HAUS6: variants seen among roughly 807,000 people sequenced by gnomAD.
HAUS6 encodes HAUS augmin-like complex subunit 6.
HAUS6 carries 80 observed loss-of-function variants against 106.8 expected under a neutral mutation model. The observed-to-expected ratio is 0.75, with a 90% CI of 0.63 to 0.90. The LOEUF (loss-of-function observed/expected upper bound fraction) is 0.90, where lower values mean the gene tolerates loss of function less well. Ranked by LOEUF, HAUS6 falls within the 40% of genes least tolerant of loss-of-function variation. The pLI is 0.00. For synonymous variants in HAUS6, 356 were observed against 379.1 expected, an observed-to-expected ratio of 0.94 and a Z score of 0.71; for missense variants, 1,155 against 1,118.1, an observed-to-expected ratio of 1.03 and a Z score of -0.47.
In HAUS6 at chr9:19,059,002, CTAAT is replaced by C. The variant is rs1836546433; in HGVS notation, c.1766-5_1766-2del. 6 of 1,540,262 alleles carry C rather than the reference CTAAT, an allele frequency of 3.9e-6. No homozygotes were observed. The highest frequency in any genetic ancestry group is 5.4e-6 in the Non-Finnish European group (6 of 1,118,194). On this transcript the variant is annotated splice_acceptor_variant and splice_polypyrimidine_tract_variant and intron_variant, in intron 15 of 16. Coordinates refer to ENST00000380502, the MANE Select transcript of HAUS6 (RefSeq NM_017645.5). LOFTEE classifies it high-confidence loss of function. ...CTCCATGAGCTCCTAATTTCAGTTA[CTAAT>C]TAAAGGGGAGAAAAACACAGTTTAC...
At chr9:19,063,661 T>C in intron 12 of HAUS6, 81 bp from the exon 13 acceptor site, 1 of 949,170 alleles carries the variant, frequency 1.1e-6, no homozygotes, top group Non-Finnish European at 1.7e-6. Context: ...CTAAAATCTG[T>C]CTGCCCCGTA....
intron 11 of HAUS6, among the ~76,000 whole-genome samples, chr9:19,074,931 TG>T (rs1435360760): frequency 6.6e-6 from 1 of 152,200 alleles, no homozygotes; most frequent in East Asian, 1.9e-4. Context: ...ACAAAAAACC[TG>T]TACAGAATGT....
intron 12 of HAUS6, among the ~76,000 whole-genome samples, chr9:19,069,912 C>T (rs1836852004): frequency 2.0e-5 from 3 of 151,982 alleles, no homozygotes; most frequent in Non-Finnish European, 2.9e-5. Flanking sequence ...CCTCTGCAAC[C>T]CAGAAAGACC....
intron 9 of HAUS6, among the ~76,000 whole-genome samples, chr9:19,080,264 C>CA (rs1434407977): frequency 1.4e-5 from 2 of 147,852 alleles, no homozygotes; most frequent in African/African-American, 2.5e-5. Flanking sequence ...AATTATTTCA[C>CA]AAAAAAATTA....
chr9:19,095,126 A>C (rs1442721958), intron 2 of HAUS6, among the ~76,000 whole-genome samples: 6 of 152,008 alleles, frequency 3.9e-5, no homozygotes, highest in African/African-American at 9.7e-5. Context: ...ATACAAGATT[A>C]TGACTCCTAG....
At chr9:19,090,609 C>A (rs1282398396) in intron 4 of HAUS6, among the ~76,000 whole-genome samples, 2 of 152,118 alleles carry the variant, frequency 1.3e-5, no homozygotes, top group African/African-American at 2.4e-5. Context: ...ATGATCCGCC[C>A]GCCCTGACCT....
rs11515236 is a variant in HAUS6, at chr9:19,058,427, G to A, written c.2340C>T (p.Leu780=). ...AACTTAGATGACCAACTTCTTCCGG[G>A]AGAGTTTCGTGTAATATGCCAAAAT... ...DNDFGILHET[L]PEEVGHLSFN... The change falls in exon 16 of 17, where the codon CTC becomes CTT. Residue 780 remains leucine (L), a synonymous_variant. Coordinates refer to ENST00000380502, the MANE Select transcript of HAUS6 (RefSeq NM_017645.5). The A allele has an allele frequency of 0.25, 367,291 of 1,490,262 alleles. 61,057 individuals are homozygous for A. The highest frequency in any genetic ancestry group is 0.59 in the African/African-American group (41,664 of 70,930). 92.3% of individuals were successfully genotyped at this position (1,490,262 alleles called of 1,614,324 possible). A position where few individuals can be genotyped will look rare whatever the true frequency, so the allele number is the denominator to read the frequency against.
chr9:19,064,548 C>T (rs1015394218), intron 12 of HAUS6, among the ~76,000 whole-genome samples: 1 of 152,024 alleles, frequency 6.6e-6, no homozygotes, highest in Non-Finnish European at 1.5e-5. Flanking sequence ...TCTTAAAAAC[C>T]TTTAAAAGTT....
At chr9:19,084,446 T>G (rs10963949) in intron 7 of HAUS6, among the ~76,000 whole-genome samples, 82,457 of 151,914 alleles carry the variant, frequency 0.54, 22,469 homozygotes, top group Non-Finnish European at 0.56. Context: ...TTACATGGAC[T>G]TGTTCACTTT....
At chr9:19,063,293 G>T in intron 13 of HAUS6, 100 bp from the exon 14 acceptor site, 1 of 789,766 alleles carries the variant, frequency 1.3e-6, no homozygotes, top group Non-Finnish European at 2.0e-6. Flanking sequence ...ACCTATAAAA[G>T]GTTGTTAATA....
intron 7 of HAUS6, 76 bp downstream of exon 7, chr9:19,086,658 G>T: frequency 1.5e-6 from 1 of 658,618 alleles, no homozygotes; most frequent in Non-Finnish European, 2.7e-6. Context: ...GACTATAAGA[G>T]TCCCACTAAT....
At chr9:19,101,313 G>C (rs1354012749) in intron 1 of HAUS6, among the ~76,000 whole-genome samples, 1 of 152,126 alleles carries the variant, frequency 6.6e-6, no homozygotes, top group East Asian at 1.9e-4. Flanking sequence ...TGGAGGCCAG[G>C]AGCTCAAGAC....
chr9:19,071,727 C>T (rs1466433350), intron 11 of HAUS6, among the ~76,000 whole-genome samples: 10 of 151,926 alleles, frequency 6.6e-5, no homozygotes, highest in Admixed American at 6.6e-4. Context: ...GTGCATGACA[C>T]CATGCCCAGC....
intron 11 of HAUS6, among the ~76,000 whole-genome samples, chr9:19,072,957 C>T (rs1409606495): frequency 6.6e-6 from 1 of 151,838 alleles, no homozygotes; most frequent in African/African-American, 2.4e-5. Context: ...AAAATACAAA[C>T]ATTAACAAAG....
In HAUS6 at chr9:19,080,107, G is replaced by A. The variant is rs147111685; in HGVS notation, c.1064+372C>T. 4.0e-3 allele frequency among the ~76,000 whole-genome samples: 607 copies of A among 150,132 alleles called. 3 individuals are homozygous for A. Among genetic ancestry groups the A allele is most frequent in the African/African-American group, 0.014 (584 of 40,686 alleles). On this transcript the variant is annotated intron_variant, in intron 9 of 16. Transcript: ENST00000380502. ...GAGAATCACTTGAACTCAGGAGGCA[G>A]GGGTTGTGGTGAGCCAAGATCGCGC...
intron 12 of HAUS6, among the ~76,000 whole-genome samples, chr9:19,066,255 G>A (rs542226798): frequency 6.6e-6 from 1 of 151,992 alleles, no homozygotes; most frequent in East Asian, 1.9e-4. Flanking sequence ...TTTATATATC[G>A]TGGTATACAA....
At chr9:19,059,167 G>C (rs555085572) in intron 15 of HAUS6, among the ~76,000 whole-genome samples, 166 bp from the exon 16 acceptor site, 1 of 152,054 alleles carries the variant, frequency 6.6e-6, no homozygotes, top group African/African-American at 2.4e-5. Context: ...TCCCAACATC[G>C]AAGAACCCCA....
intron 9 of HAUS6, among the ~76,000 whole-genome samples, chr9:19,079,220 A>AT (rs1175226252): frequency 1.3e-4 from 19 of 145,932 alleles, no homozygotes; most frequent in African/African-American, 3.3e-4. Flanking sequence ...CCATTTTATT[A>AT]TTTTTTTTTC....
At position 19,076,825 on chromosome 9, in the gene HAUS6, G is replaced by A. The variant is rs542935369; in HGVS notation, c.1192-121C>T. On this transcript the variant is annotated intron_variant, in intron 10 of 16. Transcript: ENST00000380502. ...TAAGAAAGTCAGAATTACCAAGAAT[G>A]TATCAGATAACTATTTTTATTTATT... The A allele has an allele frequency of 6.1e-4, 369 of 607,658 alleles. 2 individuals are homozygous for A. The highest frequency in any genetic ancestry group is 4.3e-3 in the South Asian group (197 of 46,274). 37.6% of individuals were successfully genotyped at this position (607,658 alleles called of 1,614,324 possible). A position where few individuals can be genotyped will look rare whatever the true frequency, so the allele number is the denominator to read the frequency against.
Sources: allele counts gnomAD v4.1 joint callset (sites outside exome capture counted in the v4.1 genomes callset), GRCh38; gene constraint gnomAD v4.1.1; transcripts MANE v1.5; gene names NCBI Gene and HGNC (gene_info 2026-07-23, HGNC 2026-07-21).